The following LINGO1 variants were observed in gnomAD, a reference collection of about 807,000 sequenced individuals.
The protein encoded by LINGO1 is leucine rich repeat and Ig domain containing 1, also known as leucine-rich repeat and immunoglobulin-like domain-containing nogo receptor-interacting protein 1.
Under a neutral mutation model 37.3 loss-of-function variants are expected in LINGO1, and 11 were observed. The observed-to-expected ratio is 0.29, with a 90% CI of 0.19 to 0.49. LINGO1 has a LOEUF of 0.49. LINGO1 is among the 20% of genes least tolerant of loss of function. The pLI is 0.99. For synonymous variants in LINGO1, 387 were observed against 403.0 expected (o/e 0.96, Z 0.48); for missense variants, 585 against 878.2 (o/e 0.67, Z 4.22).
chr15:77,647,705 C>T (rs554795423), intron 3 of LINGO1: 115 of 367,278 alleles, frequency 3.1e-4, no homozygotes, highest in Non-Finnish European at 5.5e-4. Context: ...CCTGGCAAAA[C>T]GTTGCACACC....
At chr15:77,643,449 C>T (rs960238426) in intron 3 of LINGO1, among the ~76,000 whole-genome samples, 5 of 152,292 alleles carry the variant, frequency 3.3e-5, no homozygotes, top group East Asian at 1.9e-4. Context: ...AGCAATGGTC[C>T]GGTTACAGGG....
At chr15:77,729,391 G>GCCCAGGACTGCAGATGTGCAGA in intron 2 of LINGO1, among the ~76,000 whole-genome samples, 1 of 152,228 alleles carries the variant, frequency 6.6e-6, no homozygotes, top group Non-Finnish European at 1.5e-5. Context: ...CTGGTCTCAG[G>GCCCAGGACTGCAGATGTGCAGA]CCCAGGACTG....
At chr15:77,710,090 G>A (rs1567539333) in intron 2 of LINGO1, among the ~76,000 whole-genome samples, 1 of 152,250 alleles carries the variant, frequency 6.6e-6, no homozygotes, top group Non-Finnish European at 1.5e-5. Context: ...GAGGGAAGCT[G>A]CAGCTCCTAT....
intron 1 of LINGO1, among the ~76,000 whole-genome samples, chr15:77,774,375 C>G (rs376073648): frequency 2.0e-5 from 3 of 152,130 alleles, no homozygotes; most frequent in African/African-American, 7.2e-5. Context: ...CAAGCACCTT[C>G]CGATCAGATT....
At chr15:77,694,897 G>C (rs2075663678) in intron 1 of LINGO1, among the ~76,000 whole-genome samples, 1 of 152,230 alleles carries the variant, frequency 6.6e-6, no homozygotes, top group South Asian at 2.1e-4. Flanking sequence ...GGGCAGGTAG[G>C]AGTGTCAGGA....
At chr15:77,687,887 T>C (rs1490082982) in intron 2 of LINGO1, among the ~76,000 whole-genome samples, 1 of 152,200 alleles carries the variant, frequency 6.6e-6, no homozygotes, top group Non-Finnish European at 1.5e-5. Flanking sequence ...AGAACAGTAC[T>C]AGTCCTGACC....
chr15:77,705,064 G>A (rs2075833102), intron 2 of LINGO1, among the ~76,000 whole-genome samples: 1 of 151,910 alleles, frequency 6.6e-6, no homozygotes, highest in African/African-American at 2.4e-5. Context: ...TCCCTGGCAG[G>A]GGCACGGGGA....
intron 1 of LINGO1, among the ~76,000 whole-genome samples, chr15:77,767,129 C>T (rs2076537997): frequency 1.3e-5 from 2 of 152,142 alleles, no homozygotes; most frequent in Non-Finnish European, 1.5e-5. Flanking sequence ...TCCAATTTGA[C>T]CCTCATCAAG....
At chr15:77,734,726 AG>A (rs2076186706) in intron 2 of LINGO1, among the ~76,000 whole-genome samples, 1 of 151,924 alleles carries the variant, frequency 6.6e-6, no homozygotes, top group Admixed American at 6.5e-5. Context: ...TTGCTCTCCA[AG>A]GGCCCCCAGC....
intron 1 of LINGO1, among the ~76,000 whole-genome samples, chr15:77,747,600 A>G (rs1158775191): frequency 6.6e-6 from 1 of 152,166 alleles, no homozygotes; most frequent in Non-Finnish European, 1.5e-5. Context: ...CAGATCCCTC[A>G]ATCAAATTAA....
At position 77,693,985 on chromosome 15, in the gene LINGO1, C is replaced by T. The variant is rs145580830; in HGVS notation, c.-281+2406G>A. Among the ~76,000 whole-genome samples, 1,122 of 152,192 alleles carry T rather than the reference C, an allele frequency of 7.4e-3. 8 individuals carry two copies. Among genetic ancestry groups the T allele is most frequent in the Admixed American group, 9.8e-3 (150 of 15,290 alleles). On this transcript the variant is annotated intron_variant, in intron 1 of 3. Transcript: ENST00000559893. ...GAGCTAGGCCTAAGGAGAAAAGATT[C>T]CAGGGAAACAGATCTCTGTTCAGCA...
rs2073699183 is a variant in LINGO1, at chr15:77,615,874, G to GC, written c.32dup (p.Val12ArgfsTer167). ...GGAGGGGGCTGGGCATGCTCCTCAC[G>GC]CCCCCCGCCAGCATCCTCTTGCTCA... On this transcript the variant is annotated frameshift_variant, in exon 2 of 2. Transcript: ENST00000355300. LOFTEE classifies it high-confidence loss of function. 2.0e-6 allele frequency: 3 copies of GC among 1,470,420 alleles called. No homozygotes were observed. Among genetic ancestry groups the GC allele is most frequent in the Admixed American group, 2.5e-5 (1 of 40,508 alleles). The allele number at this position is 1,470,420 out of a possible 1,614,324, so 91.1% of individuals were successfully genotyped here.
chr15:77,750,117 C>G (rs2076356183), intron 1 of LINGO1, among the ~76,000 whole-genome samples: 1 of 152,118 alleles, frequency 6.6e-6, no homozygotes, highest in Non-Finnish European at 1.5e-5. Flanking sequence ...GGAGTCAGAG[C>G]AGGGGCCACG....
rs373850017 is a variant in LINGO1 at position 77,783,047 on chromosome 15, G to A, written c.-257+3822C>T. On this transcript the variant is annotated intron_variant, in intron 1 of 3. Coordinates refer to the LINGO1 transcript ENST00000561686. ...AGCTACTTCCCACCTCCCAGCCTTTGCCTTGACATTCAGCCCCTTCAGCCT... is the reference window on the plus strand; with the variant it reads ...AGCTACTTCCCACCTCCCAGCCTTTACCTTGACATTCAGCCCCTTCAGCCT... Among the ~76,000 whole-genome samples the A allele has an allele frequency of 5.9e-5, 9 of 151,988 alleles. No individual in the cohort carries two copies. The East Asian group carries it at 1.4e-3, about 23-fold the overall frequency.
At position 77,613,850 on chromosome 15, in the gene LINGO1, C is replaced by T; in HGVS notation, c.*194G>A. On this transcript the variant is annotated 3_prime_UTR_variant, in exon 2 of 2. Transcript: ENST00000355300. ...TGTAGGTGGGGTCCCCAGGTCTGGG[C>T]TTCTGAGGTCCTGGTAGAAGGAGGG... The T allele has an allele frequency of 1.7e-6, 1 of 605,978 alleles. No individual in the cohort carries two copies. The highest frequency in any genetic ancestry group is 3.0e-5 in the Admixed American group (1 of 33,574). 37.5% of individuals were successfully genotyped at this position (605,978 alleles called of 1,614,324 possible). A position where few individuals can be genotyped will look rare whatever the true frequency, so the allele number is the denominator to read the frequency against.
chr15:77,637,195 G>A (rs931303753), upstream of LINGO1, among the ~76,000 whole-genome samples: 3 of 152,252 alleles, frequency 2.0e-5, no homozygotes, highest in African/African-American at 7.2e-5. This position sits in a 1 kb window ranked among gnomAD's most constrained non-coding sequence, Gnocchi z 4.6. Context: ...GGGCTCACCT[G>A]GAGGGGTTCT....
chr15:77,788,708 G>T (rs11629830), upstream of LINGO1: 27,867 of 152,080 alleles, frequency 0.18, 2,989 homozygotes, highest in Admixed American at 0.32. Flanking sequence ...TCTCTCCTGT[G>T]AGCCTAACCA....
At chr15:77,740,697 G>C (rs752379091) in intron 1 of LINGO1, among the ~76,000 whole-genome samples, 10 of 152,160 alleles carry the variant, frequency 6.6e-5, no homozygotes, top group Non-Finnish European at 2.9e-5. Flanking sequence ...GGCAGGGTGG[G>C]GCTTTGAATA....
At chr15:77,816,221 G>C (rs150256123) in intron 1 of LINGO1, among the ~76,000 whole-genome samples, 1 of 152,186 alleles carries the variant, frequency 6.6e-6, no homozygotes, top group African/African-American at 2.4e-5. Context: ...GAGCCCATCC[G>C]GGGAGGGGCC....
Sources: allele counts gnomAD v4.1 joint callset (sites outside exome capture counted in the v4.1 genomes callset), GRCh38; gene constraint gnomAD v4.1.1; non-coding constraint Gnocchi (gnomAD v3.1); transcripts MANE v1.5; gene names NCBI Gene and HGNC (gene_info 2026-07-23, HGNC 2026-07-21).